The following RAB22A variants were observed in gnomAD, a reference collection of about 807,000 sequenced individuals.
RAB22A encodes the protein RAB22A, member RAS oncogene family.
A neutral mutation model predicts 30.2 loss-of-function variants in RAB22A; 13 were observed. The ratio of observed to expected loss-of-function variants is 0.43; its 90% CI spans 0.28 to 0.68. The LOEUF (loss-of-function observed/expected upper bound fraction) is 0.68. Among genes scored for constraint, RAB22A ranks in the 30% least tolerant of loss-of-function variants. RAB22A has a pLI of 0.18. For synonymous variants in RAB22A, 89 were observed against 87.2 expected (o/e 1.02, Z -0.11); for missense variants, 177 against 246.8 (o/e 0.72, Z 1.89).
chr20:58,341,821 G>A (rs1986858332), intron 2 of RAB22A, among the ~76,000 whole-genome samples: 1 of 152,048 alleles, frequency 6.6e-6, no homozygotes, highest in African/African-American at 2.4e-5. Context: ...TCAGCTTTTT[G>A]TCTACTTGAA....
intron 2 of RAB22A, among the ~76,000 whole-genome samples, chr20:58,326,621 A>G (rs1486176346): frequency 6.6e-6 from 1 of 152,150 alleles, no homozygotes; most frequent in African/African-American, 2.4e-5. Context: ...TATACATGCT[A>G]TGAACATTCT....
At position 58,311,120 on chromosome 20, in the gene RAB22A, A is replaced by G; in HGVS notation, c.114A>G (p.Ile38Met). The change falls in exon 2 of 7, where the codon ATA (isoleucine) becomes ATG (methionine). Residue 38 changes from isoleucine (I) to methionine (M), a missense_variant and splice_region_variant. Physicochemically the swap from Ile to Met is conservative, Grantham distance 10 (BLOSUM62 1). Transcript: ENST00000244040. ...DSFDPNINPT[I>M]GASFMTKTVQ... is the part of the protein sequence containing the mutation. Reference sequence around the variant, plus strand: ...TTGATCCAAACATCAACCCAACAATAGGGTAAGAGACTTTTATTTGATACA... The same window carrying G: ...TTGATCCAAACATCAACCCAACAATGGGGTAAGAGACTTTTATTTGATACA... The G allele has an allele frequency of 6.3e-7, 1 of 1,577,820 alleles. No homozygotes were observed. Among genetic ancestry groups the G allele is most frequent in the Non-Finnish European group, 8.7e-7 (1 of 1,146,910 alleles).
In RAB22A at chr20:58,366,737, G is replaced by A. The variant is rs762222281; in HGVS notation, c.*7034G>A. 4 of 152,166 alleles carry A rather than the reference G, an allele frequency of 2.6e-5. No homozygotes were observed. Among genetic ancestry groups the A allele is most frequent in the Non-Finnish European group, 5.9e-5 (4 of 68,044 alleles). 9.4% of individuals were successfully genotyped at this position (152,166 alleles called of 1,614,324 possible). Reference sequence around the variant, plus strand: ...CAGCGCTCGCTTACCGTGGGAACACGGCCAGTTAACAAAATGGGTTTTGGT... The same window carrying A: ...CAGCGCTCGCTTACCGTGGGAACACAGCCAGTTAACAAAATGGGTTTTGGT... On this transcript the variant is annotated 3_prime_UTR_variant, in exon 7 of 7. Coordinates refer to ENST00000244040, the MANE Select transcript of RAB22A (RefSeq NM_020673.3).
At chr20:58,329,270 G>A (rs888099029) in intron 2 of RAB22A, among the ~76,000 whole-genome samples, 3 of 152,024 alleles carry the variant, frequency 2.0e-5, no homozygotes, top group Non-Finnish European at 4.4e-5. Flanking sequence ...AGCCAGGATG[G>A]TCTCGATCTC....
intron 2 of RAB22A, among the ~76,000 whole-genome samples, chr20:58,328,653 G>T (rs1288756463): frequency 6.6e-6 from 1 of 152,062 alleles, no homozygotes; most frequent in African/African-American, 2.4e-5. Flanking sequence ...CCTCTTCACA[G>T]GATCTAGGAT....
intron 3 of RAB22A, among the ~76,000 whole-genome samples, chr20:58,352,930 A>AT (rs1987077283): frequency 6.6e-6 from 1 of 152,224 alleles, no homozygotes; most frequent in Non-Finnish European, 1.5e-5. Flanking sequence ...CTCCCCTGAT[A>AT]GTTAGGGAAG....
intron 2 of RAB22A, among the ~76,000 whole-genome samples, chr20:58,329,600 C>T (rs1986629922): frequency 6.6e-6 from 1 of 152,204 alleles, no homozygotes; most frequent in East Asian, 1.9e-4. Context: ...ACTCTGGGTT[C>T]ACTGCGTTTC....
At chr20:58,320,352 G>T (rs552045278) in intron 2 of RAB22A, among the ~76,000 whole-genome samples, 1 of 152,012 alleles carries the variant, frequency 6.6e-6, no homozygotes, top group African/African-American at 2.4e-5. Flanking sequence ...TTTGTTCATC[G>T]TATCTCTGTT....
At chr20:58,352,928 A>G (rs1487835637) in intron 3 of RAB22A, among the ~76,000 whole-genome samples, 1 of 152,314 alleles carries the variant, frequency 6.6e-6, no homozygotes, top group East Asian at 1.9e-4. Flanking sequence ...ATCTCCCCTG[A>G]TAGTTAGGGA....
intron 2 of RAB22A, among the ~76,000 whole-genome samples, chr20:58,323,243 G>A (rs1010293220): frequency 2.6e-5 from 4 of 151,692 alleles, no homozygotes; most frequent in African/African-American, 9.7e-5. Flanking sequence ...TATGGTAAAT[G>A]GCATTGTTTT....
chr20:58,325,627 G>A (rs1309304500), intron 2 of RAB22A, among the ~76,000 whole-genome samples: 2 of 151,990 alleles, frequency 1.3e-5, no homozygotes, highest in African/African-American at 4.8e-5. Flanking sequence ...TATGTCTCTC[G>A]GTTTCCAAAC....
chr20:58,355,968 G>GA (rs1987123324), intron 6 of RAB22A, among the ~76,000 whole-genome samples: 1 of 152,206 alleles, frequency 6.6e-6, no homozygotes, highest in African/African-American at 2.4e-5. Context: ...TCATGAGTAT[G>GA]TTAAAATTAC....
intron 2 of RAB22A, among the ~76,000 whole-genome samples, chr20:58,335,608 A>G (rs1178062821): frequency 1.3e-5 from 2 of 152,226 alleles, no homozygotes; most frequent in Non-Finnish European, 2.9e-5. Context: ...TGTATTTCTG[A>G]AAGGAGGTCT....
chr20:58,339,314 G>A (rs1333495535), intron 2 of RAB22A, among the ~76,000 whole-genome samples: 2 of 152,152 alleles, frequency 1.3e-5, no homozygotes, highest in African/African-American at 4.8e-5. Context: ...GTTTAGTAGT[G>A]AAAAATAAGG....
At chr20:58,330,719 A>T (rs1986647819) in intron 2 of RAB22A, among the ~76,000 whole-genome samples, 2 of 152,174 alleles carry the variant, frequency 1.3e-5, no homozygotes, top group African/African-American at 4.8e-5. Flanking sequence ...TGCTTCTGAG[A>T]TATGGCCTAC....
At chr20:58,358,281 A>C (rs1180201257) in intron 6 of RAB22A, among the ~76,000 whole-genome samples, 1 of 152,220 alleles carries the variant, frequency 6.6e-6, no homozygotes, top group East Asian at 1.9e-4. Context: ...TGGTAGGAGA[A>C]TATAGTGGCA....
At chr20:58,351,103 G>T (rs553626082) in intron 3 of RAB22A, among the ~76,000 whole-genome samples, 36 of 152,162 alleles carry the variant, frequency 2.4e-4, no homozygotes, top group South Asian at 1.5e-3. Context: ...ACTTTGAAAG[G>T]CCACGACAGG....
Position 58,364,502 on chromosome 20 carries a change from A to C in RAB22A, c.*4799A>C, listed in dbSNP as rs536498058. 4.1e-4 allele frequency: 62 copies of C among 152,348 alleles called. No homozygotes were observed. Among genetic ancestry groups the C allele is most frequent in the African/African-American group, 1.5e-3 (61 of 41,572 alleles). The allele number at this position is 152,348 out of a possible 1,614,324, so 9.4% of individuals were successfully genotyped here. On this transcript the variant is annotated 3_prime_UTR_variant, in exon 7 of 7. Transcript: ENST00000244040. ...TTTTATTACGTTGAACATTTTAGAT[A>C]GTAAGATTAAGATGTATCATTAGTA...
chr20:58,354,860 G>T (rs533930122), intron 6 of RAB22A, among the ~76,000 whole-genome samples: 2 of 152,332 alleles, frequency 1.3e-5, no homozygotes, highest in African/African-American at 4.8e-5. Flanking sequence ...GAAGATAGAC[G>T]CAGCCCCTGC....
Sources: gnomAD v4.1 joint callset for allele counts (sites outside exome capture counted in the v4.1 genomes callset) on GRCh38, gnomAD v4.1.1 for gene constraint, MANE v1.5 for transcripts, NCBI Gene and HGNC (gene_info 2026-07-23, HGNC 2026-07-21) for gene names.